Variants in MACROD2 observed in about 807,000 individuals in gnomAD.
MACROD2 encodes the protein ADP-ribose glycohydrolase MACROD2.
In MACROD2, 36 loss-of-function variants were observed where a neutral mutation model predicts 70.4. That is an observed-to-expected ratio of 0.51 (90% CI 0.39 to 0.68). The LOEUF is 0.68. MACROD2 is among the 30% of genes least tolerant of loss of function. MACROD2 has a pLI of 0.00. For synonymous variants in MACROD2, 172 were observed against 178.8 expected (o/e 0.96, Z 0.30); for missense variants, 496 against 538.4 (o/e 0.92, Z 0.78).
At chr20:14,174,579 C>T (rs1186127314) in intron 3 of MACROD2, among the ~76,000 whole-genome samples, 1 of 152,152 alleles carries the variant, frequency 6.6e-6, no homozygotes, top group African/African-American at 2.4e-5. Flanking sequence ...AGAACTTGCC[C>T]CAGGCCTCCC....
chr20:15,551,078 T>C (rs2048089211), intron 8 of MACROD2, among the ~76,000 whole-genome samples: 1 of 152,178 alleles, frequency 6.6e-6, no homozygotes, highest in Non-Finnish European at 1.5e-5. Context: ...CCCCATTCCA[T>C]GTGGGTGTAG....
At chr20:15,444,499 C>T (rs2046536262) in intron 7 of MACROD2, among the ~76,000 whole-genome samples, 1 of 152,118 alleles carries the variant, frequency 6.6e-6, no homozygotes, top group Non-Finnish European at 1.5e-5. Flanking sequence ...GCTACTTTTG[C>T]TTGATGGCTC....
chr20:14,032,917 T>G (rs187388768), intron 2 of MACROD2, among the ~76,000 whole-genome samples: 20 of 152,302 alleles, frequency 1.3e-4, no homozygotes, highest in Non-Finnish European at 2.6e-4. Context: ...GTGCTAGCTT[T>G]TATAATTATT....
chr20:14,127,827 C>A, intron 3 of MACROD2: 3 of 458,878 alleles, frequency 6.5e-6, no homozygotes, highest in South Asian at 5.4e-5. Context: ...GGAGAAAAAA[C>A]AGCAATCAAT....
intron 5 of MACROD2, among the ~76,000 whole-genome samples, chr20:14,876,719 G>A (rs1261210520): frequency 1.3e-5 from 2 of 152,036 alleles, no homozygotes; most frequent in African/African-American, 2.4e-5. Context: ...TATTCGGTAG[G>A]GAATCCTTTC....
intron 3 of MACROD2, among the ~76,000 whole-genome samples, chr20:14,348,449 T>G (rs1313249427): frequency 6.6e-6 from 1 of 151,994 alleles, no homozygotes; most frequent in Non-Finnish European, 1.5e-5. Context: ...ATCTACTAAA[T>G]AGTGTGCCAG....
intron 6 of MACROD2, among the ~76,000 whole-genome samples, chr20:15,383,833 C>T (rs1228854059): frequency 6.6e-6 from 1 of 152,110 alleles, no homozygotes; most frequent in Non-Finnish European, 1.5e-5. Context: ...AGTATATTGG[C>T]TTCCATAATC....
intron 4 of MACROD2, among the ~76,000 whole-genome samples, chr20:14,533,408 A>T (rs1321727623): frequency 3.9e-5 from 6 of 152,216 alleles, no homozygotes; most frequent in Non-Finnish European, 8.8e-5. Context: ...TAAGAAGCAC[A>T]TAGCCACATG....
intron 12 of MACROD2, among the ~76,000 whole-genome samples, chr20:15,947,188 A>G (rs975618253): frequency 1.1e-4 from 16 of 152,086 alleles, no homozygotes; most frequent in Admixed American, 5.2e-4. Flanking sequence ...GCCTTCCTCA[A>G]TCTCAACTGC....
chr20:14,319,334 C>A (rs1416823225), intron 3 of MACROD2, among the ~76,000 whole-genome samples: 1 of 152,172 alleles, frequency 6.6e-6, no homozygotes, highest in Non-Finnish European at 1.5e-5. Context: ...TTAGGCCGCA[C>A]CTCTTGGGCA....
intron 13 of MACROD2, chr20:15,986,098 A>G: frequency 6.6e-6 from 1 of 152,314 alleles, no homozygotes. Flanking sequence ...ATTTTTAACT[A>G]CTGGGTTTAG....
chr20:15,078,351 G>T (rs1200862238), intron 5 of MACROD2, among the ~76,000 whole-genome samples: 1 of 152,090 alleles, frequency 6.6e-6, no homozygotes, highest in African/African-American at 2.4e-5. Context: ...AACTCAAGAG[G>T]CTACCCAATT....
At chr20:15,689,951 A>C (rs756611062) in intron 8 of MACROD2, among the ~76,000 whole-genome samples, 1 of 152,182 alleles carries the variant, frequency 6.6e-6, no homozygotes, top group East Asian at 1.9e-4. Flanking sequence ...CAGCCCCTCC[A>C]TTCACCATTG....
intron 7 of MACROD2, among the ~76,000 whole-genome samples, chr20:15,476,894 A>C (rs914589957): frequency 1.3e-5 from 2 of 152,126 alleles, no homozygotes; most frequent in African/African-American, 2.4e-5. Context: ...TTTGTCAGAA[A>C]CTGGCTCTGA....
chr20:14,269,932 A>T (rs2122347655), intron 3 of MACROD2, among the ~76,000 whole-genome samples: 1 of 152,022 alleles, frequency 6.6e-6, no homozygotes, highest in Admixed American at 6.6e-5. Flanking sequence ...AATTCTTGTT[A>T]TTGGTTACTC....
intron 8 of MACROD2, among the ~76,000 whole-genome samples, chr20:15,525,008 C>T (rs1349526050): frequency 6.6e-6 from 1 of 152,182 alleles, no homozygotes; most frequent in African/African-American, 2.4e-5. Flanking sequence ...ATTGGCTCTT[C>T]CTGGTATTGG....
intron 5 of MACROD2, among the ~76,000 whole-genome samples, chr20:14,688,015 C>G (rs896147524): frequency 6.6e-6 from 1 of 152,082 alleles, no homozygotes; most frequent in Non-Finnish European, 1.5e-5. Flanking sequence ...AGATGTTTTT[C>G]TTTCTCATCA....
At chr20:15,967,115 C>A (rs1358675235) in intron 12 of MACROD2, among the ~76,000 whole-genome samples, 1 of 152,148 alleles carries the variant, frequency 6.6e-6, no homozygotes, top group Admixed American at 6.5e-5. Flanking sequence ...TTAATTACCA[C>A]TGGATTTCAA....
At chr20:14,804,648 T>A (rs1298989524) in intron 5 of MACROD2, among the ~76,000 whole-genome samples, 1 of 151,798 alleles carries the variant, frequency 6.6e-6, no homozygotes, top group Non-Finnish European at 1.5e-5. Flanking sequence ...TGTGGTGGGG[T>A]CTTCTGATAG....
Sources: gnomAD v4.1 joint callset for allele counts (sites outside exome capture counted in the v4.1 genomes callset) on GRCh38, gnomAD v4.1.1 for gene constraint, MANE v1.5 for transcripts, NCBI Gene and HGNC (gene_info 2026-07-23, HGNC 2026-07-21) for gene names.